CNTN4: variants seen among roughly 807,000 people sequenced by gnomAD.
CNTN4 encodes contactin 4.
In CNTN4, 77 loss-of-function variants were observed where a neutral mutation model predicts 122.5. The ratio of observed to expected loss-of-function variants is 0.63; its 90% CI spans 0.52 to 0.76. The LOEUF (loss-of-function observed/expected upper bound fraction) is 0.76, where lower values mean the gene tolerates loss of function less well. Among genes scored for constraint, CNTN4 ranks in the 30% least tolerant of loss-of-function variants. CNTN4 has a pLI of 0.00. For synonymous variants in CNTN4, 512 were observed against 447.0 expected, an observed-to-expected ratio of 1.15 and a Z score of -1.83; for missense variants, 1,256 against 1,259.1, an observed-to-expected ratio of 1.00 and a Z score of 0.04.
intron 2 of CNTN4, among the ~76,000 whole-genome samples, chr3:2,101,912 C>G (rs947742804): frequency 6.6e-6 from 1 of 152,160 alleles, no homozygotes; most frequent in Non-Finnish European, 1.5e-5. Context: ...AAATCTTTCT[C>G]TCCTTATCTC....
chr3:2,894,656 G>A (rs2094085974), intron 10 of CNTN4, among the ~76,000 whole-genome samples: 1 of 152,062 alleles, frequency 6.6e-6, no homozygotes, highest in Non-Finnish European at 1.5e-5. Context: ...GGATTCAGCT[G>A]AGTAAGAGCA....
chr3:2,447,870 T>C (rs1187955912), intron 3 of CNTN4, among the ~76,000 whole-genome samples: 1 of 152,178 alleles, frequency 6.6e-6, no homozygotes, highest in African/African-American at 2.4e-5. Context: ...TAAGTGTAGA[T>C]ACTATTATTA....
intron 2 of CNTN4, among the ~76,000 whole-genome samples, chr3:2,287,655 G>GAAA (rs1559415316): frequency 3.6e-5 from 1 of 27,954 alleles, no homozygotes; most frequent in Non-Finnish European, 1.0e-4. Context: ...AGAAGAAGAA[G>GAAA]AAGAAGAAGA....
chr3:2,524,662 T>C (rs540763555), intron 3 of CNTN4, among the ~76,000 whole-genome samples: 1 of 152,258 alleles, frequency 6.6e-6, no homozygotes, highest in South Asian at 2.1e-4. Context: ...TTAGTCTCTA[T>C]AAAGTAAATG....
In CNTN4 at chr3:2,564,189, C is replaced by A. The variant is rs554671889; in HGVS notation, c.-88-7227C>A. On this transcript the variant is annotated intron_variant, in intron 3 of 24. Coordinates refer to ENST00000418658, the MANE Select transcript of CNTN4 (RefSeq NM_175607.3). ...CTTAACAGAAAAGCAGTTTGTTGCC[C>A]CTGGACAATATTTACCTATGGGGAC... Among the ~76,000 whole-genome samples, 11 of 152,024 alleles carry A rather than the reference C, an allele frequency of 7.2e-5. No individual in the cohort carries two copies. The South Asian group carries it at 2.1e-3, about 29-fold the overall frequency.
At chr3:2,732,858 C>T (rs940976887) in intron 4 of CNTN4, among the ~76,000 whole-genome samples, 8 of 152,150 alleles carry the variant, frequency 5.3e-5, no homozygotes, top group Non-Finnish European at 1.0e-4. Context: ...AGCTCGTGCA[C>T]AAAAGCCTGT....
intron 4 of CNTN4, among the ~76,000 whole-genome samples, chr3:2,624,144 A>G (rs1476906642): frequency 6.6e-6 from 1 of 152,216 alleles, no homozygotes; most frequent in East Asian, 1.9e-4. Context: ...ATTTAAAAAT[A>G]CTTTTAAAAT....
At chr3:2,414,364 T>C (rs572066019) in intron 3 of CNTN4, among the ~76,000 whole-genome samples, 1 of 152,328 alleles carries the variant, frequency 6.6e-6, no homozygotes, top group African/African-American at 2.4e-5. Context: ...TTAAATGAAG[T>C]AAGCATATAA....
At chr3:2,519,682 C>G (rs1376840090) in intron 3 of CNTN4, among the ~76,000 whole-genome samples, 1 of 152,142 alleles carries the variant, frequency 6.6e-6, no homozygotes, top group Non-Finnish European at 1.5e-5. Context: ...CATCAGGGTT[C>G]CTCCTAAGTG....
intron 12 of CNTN4, among the ~76,000 whole-genome samples, chr3:2,918,317 C>A (rs2094391523): frequency 6.6e-6 from 1 of 152,168 alleles, no homozygotes; most frequent in South Asian, 2.1e-4. Context: ...AGCAAGTAAA[C>A]TCAAGGTGAA....
chr3:2,188,380 C>A (rs1212361297), intron 2 of CNTN4, among the ~76,000 whole-genome samples: 1 of 152,134 alleles, frequency 6.6e-6, no homozygotes, highest in Non-Finnish European at 1.5e-5. Context: ...TCCTCATCTC[C>A]TTGCTGAAAA....
chr3:2,498,570 T>C (rs1247983615), intron 3 of CNTN4, among the ~76,000 whole-genome samples: 1 of 152,088 alleles, frequency 6.6e-6, no homozygotes, highest in Non-Finnish European at 1.5e-5. Context: ...AGCCTTGGCC[T>C]CCCAGGCTCA....
chr3:2,966,395 T>C lies in CNTN4; in HGVS notation c.1359-21950T>C, dbSNP rs149511832. ...CATTCAGGCACTGAAAGACAAATTT[T>C]GCACGTTCTCACCCACATGTAGAAG... On this transcript the variant is annotated intron_variant, in intron 13 of 24. Transcript: ENST00000418658. 3.1e-3 allele frequency among the ~76,000 whole-genome samples: 471 copies of C among 152,288 alleles called. 3 individuals carry two copies. The highest frequency in any genetic ancestry group is 0.013 in the East Asian group (65 of 5,180).
rs904362631 is a variant in CNTN4, at chr3:2,962,879, G to A, written c.1359-25466G>A. 8.5e-5 allele frequency among the ~76,000 whole-genome samples: 13 copies of A among 152,282 alleles called. 1 individual carries two copies. Among genetic ancestry groups the A allele is most frequent in the Middle Eastern group, 6.8e-3 (2 of 294 alleles). ...TGTGAAGTGGCTTTGAGTCCCATCC[G>A]TCTTGTTCCTGTGAATCATCCAGTG... is the stretch of plus-strand genomic sequence containing the variant. On this transcript the variant is annotated intron_variant, in intron 13 of 24. Transcript: ENST00000418658.
chr3:2,953,444 TC>T (rs1178878837), intron 13 of CNTN4, among the ~76,000 whole-genome samples: 3 of 151,930 alleles, frequency 2.0e-5, no homozygotes, highest in South Asian at 2.1e-4. Context: ...TTTTTTTTTT[TC>T]TAGTCCATCC....
At chr3:2,819,816 G>C (rs1367560181) in intron 7 of CNTN4, among the ~76,000 whole-genome samples, 1 of 152,108 alleles carries the variant, frequency 6.6e-6, no homozygotes, top group Non-Finnish European at 1.5e-5. Flanking sequence ...AAAGACACCT[G>C]AGTCGATCAA....
rs1316278690 is a variant in CNTN4, at chr3:2,756,487, C to T, written c.358+10790C>T. Among the ~76,000 whole-genome samples the T allele has an allele frequency of 5.3e-5, 8 of 152,316 alleles. No homozygotes were observed. In the East Asian group the frequency reaches 1.5e-3, roughly 29 times the overall value. ...CCAGCCTCCAGAACTGTGAGAAATA[C>T]ATTTCTGTTAAGTTTCCCAGTCTAT... On this transcript the variant is annotated intron_variant, in intron 6 of 24. Coordinates refer to ENST00000418658, the MANE Select transcript of CNTN4 (RefSeq NM_175607.3).
intron 3 of CNTN4, among the ~76,000 whole-genome samples, chr3:2,495,708 C>T (rs1245056412): frequency 1.3e-5 from 2 of 152,162 alleles, no homozygotes; most frequent in Non-Finnish European, 2.9e-5. Flanking sequence ...GAGAATCTTA[C>T]TAATGCCTGA....
chr3:2,214,740 A>G (rs1422743383), intron 2 of CNTN4, among the ~76,000 whole-genome samples: 1 of 152,140 alleles, frequency 6.6e-6, no homozygotes, highest in Non-Finnish European at 1.5e-5. Context: ...GTAGGATAGC[A>G]TATCTGTGAG....
Sources: allele counts gnomAD v4.1 joint callset (sites outside exome capture counted in the v4.1 genomes callset), GRCh38; gene constraint gnomAD v4.1.1; transcripts MANE v1.5; gene names NCBI Gene and HGNC (gene_info 2026-07-23, HGNC 2026-07-21).